The following CLASP1 variants were observed in gnomAD, a reference collection of about 807,000 sequenced individuals.
CLASP1 encodes the protein cytoplasmic linker associated protein 1.
Under a neutral mutation model 192.3 loss-of-function variants are expected in CLASP1, and 38 were observed. The observed-to-expected ratio is 0.20, with a 90% CI of 0.15 to 0.26. The LOEUF (loss-of-function observed/expected upper bound fraction) is 0.26. Among genes scored for constraint, CLASP1 ranks in the 10% least tolerant of loss-of-function variants. The pLI, the probability that CLASP1 is intolerant of heterozygous loss-of-function variation, is 1.00. For synonymous variants in CLASP1, 691 were observed against 712.8 expected, an observed-to-expected ratio of 0.97 and a Z score of 0.49; for missense variants, 1,433 against 1,932.5, an observed-to-expected ratio of 0.74 and a Z score of 4.85.
At chr2:121,370,809 T>G (rs1015438486) in intron 34 of CLASP1, among the ~76,000 whole-genome samples, 1 of 152,220 alleles carries the variant, frequency 6.6e-6, no homozygotes, top group South Asian at 2.1e-4. Flanking sequence ...TTCCCAGGCC[T>G]TGCCCTCTTT....
chr2:121,519,187 C>T (rs2094399798), intron 6 of CLASP1, among the ~76,000 whole-genome samples: 1 of 152,226 alleles, frequency 6.6e-6, no homozygotes, highest in African/African-American at 2.4e-5. Flanking sequence ...ACTAGAACTC[C>T]TTTGGTCTCA....
chr2:121,554,735 T>A (rs2058377800), intron 2 of CLASP1, among the ~76,000 whole-genome samples: 1 of 152,162 alleles, frequency 6.6e-6, no homozygotes, highest in Non-Finnish European at 1.5e-5. Context: ...GAGCTGGGGG[T>A]AGAAGTGAGT....
At chr2:121,479,003 C>CCACA (rs1412483603) in intron 8 of CLASP1, among the ~76,000 whole-genome samples, 1 of 96,460 alleles carries the variant, frequency 1.0e-5, no homozygotes, top group Non-Finnish European at 2.1e-5. Flanking sequence ...CACACACACA[C>CCACA]CACACACACA....
intron 1 of CLASP1, among the ~76,000 whole-genome samples, chr2:121,610,844 TGGA>T (rs760150260): frequency 4.0e-4 from 45 of 111,796 alleles, no homozygotes; most frequent in Non-Finnish European, 6.3e-4. Flanking sequence ...GAAGAGGAAC[TGGA>T]GGAGGAGGAG....
intron 34 of CLASP1, among the ~76,000 whole-genome samples, chr2:121,376,112 C>T (rs1335370529): frequency 1.3e-5 from 2 of 152,046 alleles, no homozygotes; most frequent in Admixed American, 6.6e-5. Context: ...TTATGGAAAA[C>T]AGTATCGTGG....
chr2:121,606,868 C>T (rs968891071), intron 1 of CLASP1, among the ~76,000 whole-genome samples: 4 of 152,156 alleles, frequency 2.6e-5, no homozygotes, highest in African/African-American at 9.7e-5. Flanking sequence ...GACAGCCTGG[C>T]CAACATGGTG....
intron 1 of CLASP1, among the ~76,000 whole-genome samples, chr2:121,642,799 A>G (rs2072397255): frequency 6.6e-6 from 1 of 152,230 alleles, no homozygotes; most frequent in South Asian, 2.1e-4. Context: ...ATTAAAACTT[A>G]AAATTACATA....
chr2:121,500,761 C>G (rs2093726676), intron 8 of CLASP1, among the ~76,000 whole-genome samples: 2 of 152,166 alleles, frequency 1.3e-5, no homozygotes, highest in Admixed American at 1.3e-4. Flanking sequence ...CATTTTGGCT[C>G]TAACAATTAA....
chr2:121,528,279 G>C (rs980422793), intron 4 of CLASP1, among the ~76,000 whole-genome samples: 1 of 152,102 alleles, frequency 6.6e-6, no homozygotes, highest in Non-Finnish European at 1.5e-5. Flanking sequence ...TGGGAAAGCA[G>C]GGCTGTTTTG....
At chr2:121,417,700 C>A (rs1030639123) in intron 23 of CLASP1, among the ~76,000 whole-genome samples, 1 of 152,148 alleles carries the variant, frequency 6.6e-6, no homozygotes, top group African/African-American at 2.4e-5. Flanking sequence ...TAAAGAAATA[C>A]ATCTAGATTT....
At position 121,385,810 on chromosome 2, in the gene CLASP1, A is replaced by G. The variant is rs188772392; in HGVS notation, c.3374+1312T>C. ...CATATAATTTTCTCCACTAGAAAAG[A>G]TAATTTTATGATTTTACTGTCACCA... On this transcript the variant is annotated intron_variant, in intron 32 of 39. Transcript: ENST00000263710. Among the ~76,000 whole-genome samples, 1,099 of 152,372 alleles carry G rather than the reference A, an allele frequency of 7.2e-3. 10 individuals carry two copies. Among genetic ancestry groups the G allele is most frequent in the Non-Finnish European group, 0.012 (838 of 68,036 alleles).
intron 8 of CLASP1, among the ~76,000 whole-genome samples, chr2:121,478,642 CACCCCCCACACA>C (rs2091968094): frequency 8.8e-6 from 1 of 114,234 alleles, no homozygotes; most frequent in Non-Finnish European, 1.7e-5. Flanking sequence ...CACACACACA[CACCCCCCACACA>C]CACACACCCC....
intron 8 of CLASP1, among the ~76,000 whole-genome samples, chr2:121,500,628 T>A (rs777024994): frequency 1.3e-5 from 2 of 152,184 alleles, no homozygotes; most frequent in Non-Finnish European, 2.9e-5. Context: ...AGGTGGTTTG[T>A]TTTTTGACAG....
chr2:121,403,904 C>A (rs1002068257), intron 26 of CLASP1: 1 of 440,564 alleles, frequency 2.3e-6, no homozygotes, highest in African/African-American at 2.0e-5. Flanking sequence ...TATGAAATAA[C>A]CTGGTTTATC....
chr2:121,564,764 A>C (rs1402260231), intron 2 of CLASP1, among the ~76,000 whole-genome samples: 4 of 152,204 alleles, frequency 2.6e-5, no homozygotes, highest in Non-Finnish European at 5.9e-5. Flanking sequence ...TCAGCAAATA[A>C]ATTTTTCCCC....
At chr2:121,425,176 T>A (rs765456340) in exon 22 of CLASP1, 1 of 1,612,606 alleles carries the variant, frequency 6.2e-7, no homozygotes, top group Non-Finnish European at 8.5e-7. Context: ...CCCGGCTACA[T>A]CCCTGGCTCC....
At chr2:121,356,151 A>C (rs990553133) in intron 37 of CLASP1, among the ~76,000 whole-genome samples, 10 of 152,214 alleles carry the variant, frequency 6.6e-5, no homozygotes, top group African/African-American at 2.4e-4. Context: ...TCAAAAAAAA[A>C]AAGCAAAGGT....
At position 121,460,954 on chromosome 2, in the gene CLASP1, T is replaced by G. The variant is rs184737317; in HGVS notation, c.1032+147A>C. 37 of 591,070 alleles carry G rather than the reference T, an allele frequency of 6.3e-5. No homozygotes were observed. In the Admixed American group the frequency reaches 1.4e-3, roughly 22 times the overall value. The allele number at this position is 591,070 out of a possible 1,614,324, so 36.6% of individuals were successfully genotyped here. A position where few individuals can be genotyped will look rare whatever the true frequency, so the allele number is the denominator to read the frequency against. On this transcript the variant is annotated intron_variant, in intron 11 of 39. Coordinates refer to ENST00000263710, the Ensembl canonical transcript of CLASP1. ...ATAAAAATAAAAGGAGACACTCTAC[T>G]AAAAAGGTGAAGTATAAATATGATA...
Position 121,396,751 on chromosome 2 carries a change from C to T in CLASP1, c.3123+389G>A, listed in dbSNP as rs538563582. 4.6e-5 allele frequency among the ~76,000 whole-genome samples: 7 copies of T among 152,304 alleles called. No homozygotes were observed. The South Asian group carries it at 1.4e-3, about 32-fold the overall frequency. On this transcript the variant is annotated intron_variant, in intron 30 of 39. Transcript: ENST00000263710. Reference sequence around the variant, plus strand: ...TTTGCTCTTTTTTAAGCATCTATTACGTCTTATCAAACTTTTCAACCACAT... The same window carrying T: ...TTTGCTCTTTTTTAAGCATCTATTATGTCTTATCAAACTTTTCAACCACAT...
Sources: allele counts gnomAD v4.1 joint callset (sites outside exome capture counted in the v4.1 genomes callset), GRCh38; gene constraint gnomAD v4.1.1; transcripts MANE v1.5; gene names NCBI Gene and HGNC (gene_info 2026-07-23, HGNC 2026-07-21).